GPC3: variants seen among roughly 807,000 people sequenced by gnomAD.
GPC3 encodes the protein glypican-3.
GPC3 carries 3 observed loss-of-function variants against 34.4 expected under a neutral mutation model. That is an observed-to-expected ratio of 0.09 (90% confidence interval 0.04 to 0.23). GPC3 has a LOEUF of 0.23. GPC3 is among the 10% of genes least tolerant of loss of function. The probability of loss-of-function intolerance (pLI) is 1.00; values close to 1 mark genes in which losing one functional copy is unlikely to be tolerated. For missense variants in GPC3, 351 were observed against 445.6 expected, an observed-to-expected ratio of 0.79 and a Z score of 1.91; for synonymous variants, 177 against 174.0, an observed-to-expected ratio of 1.02 and a Z score of -0.13.
At chrX:133,690,239 A>T (rs1410481898) in intron 5 of GPC3, among the ~76,000 whole-genome samples, 1 of 111,361 alleles carries the variant, frequency 9.0e-6, no homozygotes, top group Non-Finnish European at 1.9e-5. Flanking sequence ...ATTTTCTGAC[A>T]TGTCTTTTGT....
chrX:133,918,548 G>A (rs759441076), intron 2 of GPC3, among the ~76,000 whole-genome samples: 4 of 111,975 alleles, frequency 3.6e-5, no homozygotes, highest in South Asian at 3.7e-4. Context: ...TTATTGCTAC[G>A]CCTAGCTTTC....
intron 2 of GPC3, among the ~76,000 whole-genome samples, chrX:133,927,183 G>T (rs969663399): frequency 9.0e-6 from 1 of 110,844 alleles, no homozygotes; most frequent in Non-Finnish European, 1.9e-5. Flanking sequence ...TTGCCAATAG[G>T]GAAGCAGATG....
chrX:133,805,229 A>G (rs922319848), intron 2 of GPC3, among the ~76,000 whole-genome samples: 10 of 112,320 alleles, frequency 8.9e-5, no homozygotes, highest in Non-Finnish European at 1.9e-4. Flanking sequence ...AGTTATGGCA[A>G]TGCCACAAAC....
chrX:133,664,460 G>A (rs1235087988), intron 5 of GPC3, among the ~76,000 whole-genome samples: 1 of 111,456 alleles, frequency 9.0e-6, no homozygotes. Flanking sequence ...AAAATATGGT[G>A]GTTAATTGCG....
At chrX:133,771,795 C>A (rs774135929) in intron 2 of GPC3, among the ~76,000 whole-genome samples, 1 of 112,113 alleles carries the variant, frequency 8.9e-6, no homozygotes, top group East Asian at 2.8e-4. Flanking sequence ...GCTATAAATT[C>A]TCTGGGCAGA....
At chrX:133,578,655 G>A (rs1462731245) in intron 7 of GPC3, among the ~76,000 whole-genome samples, 1 of 112,124 alleles carries the variant, frequency 8.9e-6, no homozygotes, top group Non-Finnish European at 1.9e-5. Flanking sequence ...CTCCAGCCTA[G>A]GTGACAGAGG....
intron 4 of GPC3, among the ~76,000 whole-genome samples, chrX:133,697,388 T>C (rs1033238343): frequency 1.8e-5 from 2 of 111,733 alleles, no homozygotes; most frequent in Admixed American, 1.9e-4. Flanking sequence ...GACTTGCCCA[T>C]ACTTTTTCTC....
chrX:133,980,147 T>C (rs112872628), intron 1 of GPC3, among the ~76,000 whole-genome samples: 1 of 112,329 alleles, frequency 8.9e-6, no homozygotes, highest in African/African-American at 3.2e-5. Context: ...TGATCGTTAA[T>C]GATACTAAGC....
intron 2 of GPC3, among the ~76,000 whole-genome samples, chrX:133,882,039 G>A (rs1385528344): frequency 8.9e-6 from 1 of 112,340 alleles, no homozygotes; most frequent in Admixed American, 9.4e-5. Flanking sequence ...GAGGGATGTA[G>A]CCAGAGGCAG....
At chrX:133,881,859 A>G in intron 2 of GPC3, among the ~76,000 whole-genome samples, 1 of 112,550 alleles carries the variant, frequency 8.9e-6, no homozygotes, top group Non-Finnish European at 1.9e-5. Flanking sequence ...ACTCTTCCCC[A>G]AGTTGCTAGC....
At chrX:133,914,882 C>CA (rs766932301) in intron 2 of GPC3, among the ~76,000 whole-genome samples, 573 of 50,781 alleles carry the variant, frequency 0.011, 3 homozygotes, top group South Asian at 0.019. Flanking sequence ...CCCACCATGC[C>CA]AAAAAAAAAA....
At chrX:133,703,270 T>C (rs1251646719) in intron 3 of GPC3, among the ~76,000 whole-genome samples, 1 of 111,635 alleles carries the variant, frequency 9.0e-6, no homozygotes, top group Non-Finnish European at 1.9e-5. Context: ...AGGGAATTTA[T>C]TGGATAGGTG....
intron 3 of GPC3, among the ~76,000 whole-genome samples, chrX:133,716,354 T>C (rs1374187295): frequency 8.9e-6 from 1 of 112,134 alleles, no homozygotes; most frequent in African/African-American, 3.2e-5. Flanking sequence ...ATGGGCTTTA[T>C]TAGACAAAAA....
chrX:133,806,039 C>T (rs982865531), intron 2 of GPC3, among the ~76,000 whole-genome samples: 1 of 111,723 alleles, frequency 9.0e-6, no homozygotes, highest in Non-Finnish European at 1.9e-5. Flanking sequence ...AATACAAAAC[C>T]TGATCCTCTG....
At chrX:133,886,080 T>C (rs994443501) in intron 2 of GPC3, among the ~76,000 whole-genome samples, 1 of 111,879 alleles carries the variant, frequency 8.9e-6, no homozygotes, top group African/African-American at 3.2e-5. Context: ...AAAGGATTAC[T>C]TTATTCAATC....
chrX:133,796,094 G>A (rs1259886661), intron 2 of GPC3, among the ~76,000 whole-genome samples: 2 of 108,891 alleles, frequency 1.8e-5, no homozygotes, highest in East Asian at 5.7e-4. Context: ...TACAGGCCCC[G>A]CCACCACGCC....
chrX:133,735,368 C>G (rs2071500987), intron 3 of GPC3, among the ~76,000 whole-genome samples: 1 of 111,586 alleles, frequency 9.0e-6, no homozygotes, highest in Non-Finnish European at 1.9e-5. Flanking sequence ...AAAGAACAGT[C>G]TTTTCAACAA....
At chrX:133,803,362 T>A (rs1321221299) in intron 2 of GPC3, among the ~76,000 whole-genome samples, 1 of 112,606 alleles carries the variant, frequency 8.9e-6, no homozygotes, top group Non-Finnish European at 1.9e-5. Context: ...AACTAACATT[T>A]CCAAGTTCCC....
At chrX:133,905,407 T>C (rs1382436636) in intron 2 of GPC3, among the ~76,000 whole-genome samples, 1 of 112,502 alleles carries the variant, frequency 8.9e-6, no homozygotes, top group African/African-American at 3.2e-5. Context: ...GATCAAGCTA[T>C]TAACATTTGC....
Sources: gnomAD v4.1 joint callset for allele counts (sites outside exome capture counted in the v4.1 genomes callset) on GRCh38, gnomAD v4.1.1 for gene constraint, MANE v1.5 for transcripts, NCBI Gene and HGNC (gene_info 2026-07-23, HGNC 2026-07-21) for gene names.